The following SGCD variants were observed in gnomAD, a reference collection of about 807,000 sequenced individuals.
SGCD encodes delta-sarcoglycan.
SGCD carries 18 observed loss-of-function variants against 36.6 expected under a neutral mutation model. That is an observed-to-expected ratio of 0.49 (90% CI 0.34 to 0.73). SGCD has a LOEUF of 0.73. Ranked by LOEUF, SGCD falls within the 30% of genes least tolerant of loss-of-function variation. The pLI, the probability that SGCD is intolerant of heterozygous loss-of-function variation, is 0.01. For synonymous variants in SGCD, 133 were observed against 130.6 expected (o/e 1.02, Z -0.12); for missense variants, 387 against 346.7 (o/e 1.12, Z -0.92).
At chr5:155,817,941 G>T in the SGCD span, among the ~76,000 whole-genome samples, 1 of 152,146 alleles carries the variant, frequency 6.6e-6, no homozygotes, top group South Asian at 2.1e-4. Context: ...TTAAAATAAA[G>T]CAAAGTTGTT....
intron 1 of SGCD, among the ~76,000 whole-genome samples, chr5:156,103,374 A>G (rs1761569448): frequency 6.6e-6 from 1 of 152,168 alleles, no homozygotes; most frequent in African/African-American, 2.4e-5. Flanking sequence ...ACAAAGAATT[A>G]TGTCATATGA....
intron 3 of SGCD, among the ~76,000 whole-genome samples, chr5:156,397,807 A>T (rs981327950): frequency 6.6e-6 from 1 of 152,216 alleles, no homozygotes; most frequent in Non-Finnish European, 1.5e-5. Context: ...CCAAGGAAGC[A>T]GGGTAAAATG....
chr5:156,401,637 G>A (rs1772152052), intron 3 of SGCD, among the ~76,000 whole-genome samples: 1 of 152,168 alleles, frequency 6.6e-6, no homozygotes, highest in Admixed American at 6.6e-5. Flanking sequence ...CTCACTATGT[G>A]CCAGGCACTG....
chr5:156,642,461 CTTTTTTT>C (rs58501471), intron 6 of SGCD, among the ~76,000 whole-genome samples: 118 of 80,038 alleles, frequency 1.5e-3, no homozygotes, highest in African/African-American at 6.4e-3. Flanking sequence ...CAGCATCAGT[CTTTTTTT>C]TTTTTTTTTT....
intron 7 of SGCD, among the ~76,000 whole-genome samples, chr5:156,664,347 C>T (rs1001159327): frequency 1.8e-4 from 26 of 148,062 alleles, no homozygotes; most frequent in Admixed American, 2.7e-4. Flanking sequence ...CCATCAACTC[C>T]ACTATGACCT....
chr5:156,114,285 A>G (rs1187444099), intron 1 of SGCD, among the ~76,000 whole-genome samples: 1 of 152,072 alleles, frequency 6.6e-6, no homozygotes, highest in Non-Finnish European at 1.5e-5. Context: ...CTGAAGTTCA[A>G]TTCGATTTTG....
chr5:155,845,578 G>A, the SGCD span: 1 of 152,096 alleles, frequency 6.6e-6, no homozygotes, highest in African/African-American at 2.4e-5. Context: ...TTATTACAAT[G>A]AATAATTTTA....
At chr5:156,631,891 C>G (rs1396776423) in intron 6 of SGCD, among the ~76,000 whole-genome samples, 3 of 152,048 alleles carry the variant, frequency 2.0e-5, no homozygotes, top group Non-Finnish European at 2.9e-5. Flanking sequence ...CTGTTAGGGA[C>G]AGACAGTCAA....
intron 1 of SGCD, among the ~76,000 whole-genome samples, chr5:155,994,742 A>G (rs1000715353): frequency 6.6e-6 from 1 of 152,216 alleles, no homozygotes; most frequent in Non-Finnish European, 1.5e-5. Flanking sequence ...TTTTGCAATT[A>G]TGTTAATTAG....
At chr5:156,582,970 T>G (rs1330554797) in intron 4 of SGCD, among the ~76,000 whole-genome samples, 2 of 152,232 alleles carry the variant, frequency 1.3e-5, no homozygotes, top group African/African-American at 4.8e-5. Flanking sequence ...TGTTTTAATA[T>G]GTCTACCCTC....
chr5:156,677,481 T>C (rs1394422797), intron 7 of SGCD, among the ~76,000 whole-genome samples: 2 of 151,900 alleles, frequency 1.3e-5, no homozygotes, highest in African/African-American at 2.4e-5. Flanking sequence ...TAGGTGGGAA[T>C]TGAACAATGA....
At chr5:156,015,625 A>G (rs1315708623) in intron 1 of SGCD, among the ~76,000 whole-genome samples, 1 of 151,628 alleles carries the variant, frequency 6.6e-6, no homozygotes, top group East Asian at 1.9e-4. Flanking sequence ...GTGTGTATAT[A>G]TATGTATATG....
At chr5:156,142,324 T>C (rs1762601923) in intron 3 of SGCD, among the ~76,000 whole-genome samples, 1 of 152,216 alleles carries the variant, frequency 6.6e-6, no homozygotes, top group African/African-American at 2.4e-5. Flanking sequence ...CAGTCTCAAG[T>C]ATTTCTTTAC....
chr5:156,163,856 T>TA (rs1264015839), intron 3 of SGCD, among the ~76,000 whole-genome samples: 7 of 149,922 alleles, frequency 4.7e-5, no homozygotes, highest in South Asian at 2.1e-4. Flanking sequence ...CCGTCTCTAC[T>TA]AAAAAAAATA....
At chr5:156,017,861 A>G (rs1238019958) in intron 1 of SGCD, among the ~76,000 whole-genome samples, 2 of 152,128 alleles carry the variant, frequency 1.3e-5, no homozygotes, top group Non-Finnish European at 2.9e-5. Context: ...TCATATTGAC[A>G]TTTAAATTAA....
At chr5:156,714,594 A>G (rs12521174) in intron 7 of SGCD, among the ~76,000 whole-genome samples, 11,466 of 152,280 alleles carry the variant, frequency 0.075, 469 homozygotes, top group African/African-American at 0.11. Flanking sequence ...ACCTAAGCCT[A>G]TGTTTCCCCT....
At chr5:155,769,539 G>A in the SGCD span, among the ~76,000 whole-genome samples, 1 of 151,818 alleles carries the variant, frequency 6.6e-6, no homozygotes, top group Non-Finnish European at 1.5e-5. Flanking sequence ...GCTCCCAAAT[G>A]GTTGAATGGT....
At chr5:156,652,585 T>A (rs1763503976) in intron 7 of SGCD, among the ~76,000 whole-genome samples, 1 of 152,282 alleles carries the variant, frequency 6.6e-6, no homozygotes, top group Non-Finnish European at 1.5e-5. Flanking sequence ...TTTATTTCTC[T>A]TGCCTGATTG....
intron 1 of SGCD, among the ~76,000 whole-genome samples, chr5:155,949,575 G>A (rs1054459464): frequency 6.6e-6 from 1 of 152,248 alleles, no homozygotes; most frequent in South Asian, 2.1e-4. Context: ...TATCTCAGAG[G>A]TCAGCGATAG....
Sources: gnomAD v4.1 joint callset for allele counts (sites outside exome capture counted in the v4.1 genomes callset) on GRCh38, gnomAD v4.1.1 for gene constraint, MANE v1.5 for transcripts, NCBI Gene and HGNC (gene_info 2026-07-23, HGNC 2026-07-21) for gene names.